Variants in GHR observed in about 807,000 individuals in gnomAD.
GHR encodes the protein GH receptor.
GHR carries 35 observed loss-of-function variants against 67.1 expected under a neutral mutation model. The ratio of observed to expected loss-of-function variants is 0.52; its 90% confidence interval spans 0.40 to 0.69. The LOEUF is 0.69. Ranked by LOEUF, GHR falls within the 30% of genes least tolerant of loss-of-function variation. The pLI is 0.00. For synonymous variants in GHR, 272 were observed against 269.1 expected, an observed-to-expected ratio of 1.01 and a Z score of -0.10; for missense variants, 792 against 764.6, an observed-to-expected ratio of 1.04 and a Z score of -0.42.
chr5:42,562,114 C>T (rs1180194210), intron 1 of GHR, among the ~76,000 whole-genome samples: 4 of 152,146 alleles, frequency 2.6e-5, no homozygotes, highest in African/African-American at 9.7e-5. Flanking sequence ...CGCACTCTGA[C>T]GTTTCCTAGG....
At chr5:42,469,023 T>A (rs1744878901) in intron 1 of GHR, among the ~76,000 whole-genome samples, 1 of 152,236 alleles carries the variant, frequency 6.6e-6, no homozygotes, top group Non-Finnish European at 1.5e-5. Flanking sequence ...ATTTTTAAAG[T>A]CTCTAAAATG....
chr5:42,505,403 A>G (rs1047275258), intron 1 of GHR, among the ~76,000 whole-genome samples: 1 of 151,902 alleles, frequency 6.6e-6, no homozygotes, highest in African/African-American at 2.4e-5. Context: ...CACTCAGCAA[A>G]CATTTTTTGA....
intron 1 of GHR, among the ~76,000 whole-genome samples, chr5:42,444,025 AGATAATG>A (rs1743705597): frequency 1.3e-5 from 2 of 152,024 alleles, no homozygotes; most frequent in African/African-American, 2.4e-5. Flanking sequence ...ATATAGATAT[AGATAATG>A]GATATATATA....
chr5:42,642,742 C>T (rs932718807), intron 3 of GHR, among the ~76,000 whole-genome samples: 2 of 152,170 alleles, frequency 1.3e-5, no homozygotes, highest in East Asian at 3.8e-4. Context: ...GAAATGTATT[C>T]TGTCACAGTT....
At chr5:42,444,576 G>A (rs1424592868) in intron 1 of GHR, among the ~76,000 whole-genome samples, 1 of 152,084 alleles carries the variant, frequency 6.6e-6, no homozygotes, top group African/African-American at 2.4e-5. Context: ...CTTATTGCCT[G>A]GGGACTGATT....
intron 1 of GHR, among the ~76,000 whole-genome samples, chr5:42,515,656 G>A (rs1171302179): frequency 6.6e-6 from 1 of 152,226 alleles, no homozygotes; most frequent in Non-Finnish European, 1.5e-5. Flanking sequence ...TTAACACTGG[G>A]TGGATATAAA....
At chr5:42,702,513 T>C (rs947592662) in intron 6 of GHR, among the ~76,000 whole-genome samples, 12 of 152,116 alleles carry the variant, frequency 7.9e-5, no homozygotes, top group African/African-American at 2.9e-4. Flanking sequence ...AGCCCAGATA[T>C]TCTGGCTCAA....
chr5:42,466,636 C>A (rs571719014), intron 1 of GHR, among the ~76,000 whole-genome samples: 1 of 152,226 alleles, frequency 6.6e-6, no homozygotes, highest in Non-Finnish European at 1.5e-5. Context: ...AAGCTACATT[C>A]CATTTCAGAA....
intron 1 of GHR, among the ~76,000 whole-genome samples, chr5:42,435,892 T>C (rs1743302490): frequency 6.6e-6 from 1 of 152,208 alleles, no homozygotes; most frequent in South Asian, 2.1e-4. Context: ...GAATCCAACA[T>C]CATGCTGGGC....
At chr5:42,573,882 C>T (rs1428089934) in intron 2 of GHR, among the ~76,000 whole-genome samples, 1 of 151,960 alleles carries the variant, frequency 6.6e-6, no homozygotes, top group East Asian at 1.9e-4. Context: ...CAAAACCTTC[C>T]AAATTTGTGG....
intron 2 of GHR, among the ~76,000 whole-genome samples, chr5:42,574,807 T>A (rs1750557959): frequency 6.6e-6 from 1 of 152,174 alleles, no homozygotes; most frequent in Non-Finnish European, 1.5e-5. Flanking sequence ...TCCAACATGT[T>A]TAGAACTGGG....
chr5:42,565,663 G>A (rs1749882394), intron 1 of GHR: 1 of 985,192 alleles, frequency 1.0e-6, no homozygotes, highest in African/African-American at 1.7e-5. Context: ...CTCACGGGAA[G>A]TAGAATTTAT....
intron 2 of GHR, among the ~76,000 whole-genome samples, chr5:42,603,282 A>G (rs1752471105): frequency 1.3e-5 from 2 of 152,102 alleles, no homozygotes. Flanking sequence ...GCTGCTTTCA[A>G]AATTCTCTTT....
At chr5:42,686,498 T>C (rs935452140) in intron 3 of GHR, among the ~76,000 whole-genome samples, 3 of 152,140 alleles carry the variant, frequency 2.0e-5, no homozygotes, top group African/African-American at 7.2e-5. Context: ...GTCGGCTTCA[T>C]CCCTGGAATG....
At chr5:42,560,536 T>G (rs1319304870) in intron 1 of GHR, among the ~76,000 whole-genome samples, 1 of 152,136 alleles carries the variant, frequency 6.6e-6, no homozygotes, top group African/African-American at 2.4e-5. Flanking sequence ...TATGGAGACT[T>G]GTCACCAAAT....
intron 1 of GHR, among the ~76,000 whole-genome samples, chr5:42,532,464 C>A (rs1185866210): frequency 6.6e-6 from 1 of 152,076 alleles, no homozygotes; most frequent in African/African-American, 2.4e-5. Flanking sequence ...ACATTTTCCC[C>A]AAATCTGCTT....
intron 1 of GHR, among the ~76,000 whole-genome samples, chr5:42,443,812 G>T (rs2111966835): frequency 6.6e-6 from 1 of 152,174 alleles, no homozygotes; most frequent in East Asian, 1.9e-4. Context: ...GCATTCAACT[G>T]ATTGGAGGGC....
At chr5:42,453,428 C>T (rs577347930) in intron 1 of GHR, among the ~76,000 whole-genome samples, 2 of 152,236 alleles carry the variant, frequency 1.3e-5, no homozygotes, top group East Asian at 1.9e-4. Flanking sequence ...TACCCAATGG[C>T]GAGCCGAGGT....
intron 1 of GHR, among the ~76,000 whole-genome samples, chr5:42,558,301 T>C (rs1366306277): frequency 2.6e-5 from 4 of 152,240 alleles, no homozygotes; most frequent in African/African-American, 9.6e-5. Context: ...ACCATAATGA[T>C]TTTATATGTC....
Sources: gnomAD v4.1 joint callset for allele counts (sites outside exome capture counted in the v4.1 genomes callset) on GRCh38, gnomAD v4.1.1 for gene constraint, MANE v1.5 for transcripts, NCBI Gene and HGNC (gene_info 2026-07-23, HGNC 2026-07-21) for gene names.